WDR86: variants seen among roughly 807,000 people sequenced by gnomAD.
WDR86 encodes WD repeat domain 86.
WDR86 carries 30 observed loss-of-function variants against 36.5 expected under a neutral mutation model. The ratio of observed to expected loss-of-function variants is 0.82; its 90% CI spans 0.61 to 1.11. WDR86 has a LOEUF of 1.11. WDR86 is among the 50% of genes most tolerant of loss of function. The probability of loss-of-function intolerance (pLI) is 0.00; values close to 1 mark genes in which losing one functional copy is unlikely to be tolerated. For missense variants in WDR86, 545 were observed against 561.2 expected, an observed-to-expected ratio of 0.97 and a Z score of 0.29; for synonymous variants, 255 against 252.9, an observed-to-expected ratio of 1.01 and a Z score of -0.08.
intron 1 of WDR86, among the ~76,000 whole-genome samples, chr7:151,408,222 A>G (rs977114945): frequency 2.2e-5 from 3 of 135,376 alleles, no homozygotes; most frequent in Non-Finnish European, 1.5e-5. Context: ...TTTTAGACAG[A>G]GTCTGGCTCT....
In WDR86 at chr7:151,381,978, AACACTGCGGAC is replaced by A; in HGVS notation, c.863-8_865del. The A allele has an allele frequency of 6.2e-7, 1 of 1,600,744 alleles. No homozygotes were observed. Among genetic ancestry groups the A allele is most frequent in the Non-Finnish European group, 8.5e-7 (1 of 1,174,674 alleles). ...GGCGCAAGCGTCCCCGCTGCCCGTGAACACTGCGGACACACAGCGCGCGCTGGGCCTCCCTC... is the reference window on the plus strand; with the variant it reads ...GGCGCAAGCGTCCCCGCTGCCCGTGAACACAGCGCGCGCTGGGCCTCCCTC... On this transcript the variant is annotated splice_acceptor_variant and splice_polypyrimidine_tract_variant and coding_sequence_variant and intron_variant, in exon 5 of 6. Transcript: ENST00000334493. LOFTEE classifies it high-confidence loss of function. This position sits in a 1 kb window ranked among gnomAD's most constrained non-coding sequence, Gnocchi z 4.8.
At position 151,401,860 on chromosome 7, in the gene WDR86, T is replaced by C. The variant is rs1227516493; in HGVS notation, c.164-1619A>G. The stretch of plus-strand genomic sequence containing the variant: ...GTCAGGAGTTCAAGATCAGCCTGGC[T>C]AAGATGGTGAAACCCCGTCTCTACT... On this transcript the variant is annotated intron_variant, in intron 1 of 5. Transcript: ENST00000334493. This position sits in a 1 kb window ranked among gnomAD's most constrained non-coding sequence, Gnocchi z 4.3. 1.3e-5 allele frequency among the ~76,000 whole-genome samples: 2 copies of C among 150,798 alleles called. No homozygotes were observed. The highest frequency in any genetic ancestry group is 3.0e-5 in the Non-Finnish European group (2 of 67,746).
rs1051119337 is a variant in WDR86 at position 151,390,793 on chromosome 7, A to T, written c.726+4983T>A. Reference sequence around the variant, plus strand: ...TGCTCATGAAATAAGCCAGACAGGAAAGGACAGATCCTGCACGACTCCACT... The same window carrying T: ...TGCTCATGAAATAAGCCAGACAGGATAGGACAGATCCTGCACGACTCCACT... On this transcript the variant is annotated intron_variant, in intron 3 of 5. Coordinates refer to ENST00000334493, the MANE Select transcript of WDR86 (RefSeq NM_198285.3). The surrounding 1 kb of genome is among the most constrained non-coding windows in gnomAD (Gnocchi z 4.5). 6.6e-6 allele frequency among the ~76,000 whole-genome samples: 1 copy of T among 152,252 alleles called. No individual in the cohort carries two copies. The highest frequency in any genetic ancestry group is 1.5e-5 in the Non-Finnish European group (1 of 68,046).
At chr7:151,399,235 C>G (rs12703133) in intron 2 of WDR86, among the ~76,000 whole-genome samples, 103,942 of 152,130 alleles carry the variant, frequency 0.68, 35,725 homozygotes, top group East Asian at 0.8. Flanking sequence ...CAGCCACCTG[C>G]GACTCCAGCG....
intron 2 of WDR86, among the ~76,000 whole-genome samples, chr7:151,399,894 C>T (rs1800155930): frequency 6.6e-6 from 1 of 152,254 alleles, no homozygotes; most frequent in South Asian, 2.1e-4. Context: ...TGCCTCCCTG[C>T]CCCACATGCA....
At chr7:151,379,223 G>A (rs1251621935), downstream of WDR86, among the ~76,000 whole-genome samples, 2 of 152,120 alleles carry the variant, frequency 1.3e-5, no homozygotes, top group South Asian at 4.1e-4. Context: ...GAATGGGGGC[G>A]GATGGTATGA....
Position 151,394,598 on chromosome 7 carries a change from C to T in WDR86, c.726+1178G>A, listed in dbSNP as rs185421933. ...CCCCAGCATGGGGGATCACACCCAA[C>T]AGGTCCTCCGGCCAGGCACACCGTT... On this transcript the variant is annotated intron_variant, in intron 3 of 5. Transcript: ENST00000334493. Among the ~76,000 whole-genome samples the T allele has an allele frequency of 1.9e-4, 29 of 152,380 alleles. No individual in the cohort carries two copies. In the East Asian group the frequency reaches 5.4e-3, roughly 28 times the overall value.
At chr7:151,375,875 T>A (rs779938743), downstream of WDR86, 24 of 1,612,726 alleles carry the variant, frequency 1.5e-5, no homozygotes, top group Middle Eastern at 3.3e-4. Flanking sequence ...TCAGATGTGG[T>A]GGTTAAATGA....
Position 151,393,176 on chromosome 7 carries a change from G to A in WDR86, c.726+2600C>T, listed in dbSNP as rs915278888. On this transcript the variant is annotated intron_variant, in intron 3 of 5. Transcript: ENST00000334493. ...GGTATGTTTGTGGGCATGCATGTAC[G>A]TGCGTGGCTTGTCTGTGTTCACACG... 2.6e-5 allele frequency among the ~76,000 whole-genome samples: 4 copies of A among 152,204 alleles called. No individual in the cohort carries two copies. The East Asian group carries it at 5.8e-4, about 22-fold the overall frequency.
rs1801057209 is a variant in WDR86 at position 151,409,692 on chromosome 7, C to A, written c.-103G>T. On this transcript the variant is annotated 5_prime_UTR_variant, in exon 1 of 6. Coordinates refer to ENST00000334493, the MANE Select transcript of WDR86 (RefSeq NM_198285.3). The surrounding 1 kb of genome is among the most constrained non-coding windows in gnomAD (Gnocchi z 5.2). ...GTACGACTGCGGCCCGCGGCCATCG[C>A]GGGGAACGGGGAGCCCGACTCCTGC... 3.1e-6 allele frequency: 4 copies of A among 1,291,456 alleles called. No homozygotes were observed. The highest frequency in any genetic ancestry group is 3.9e-6 in the Non-Finnish European group (4 of 1,022,918). 80.0% of individuals were successfully genotyped at this position (1,291,456 alleles called of 1,614,324 possible).
At position 151,406,127 on chromosome 7, in the gene WDR86, C is replaced by T. The variant is rs748056315; in HGVS notation, c.163+3300G>A. On this transcript the variant is annotated intron_variant, in intron 1 of 5. Transcript: ENST00000334493. The surrounding 1 kb of genome is among the most constrained non-coding windows in gnomAD (Gnocchi z 4.4). ...CCTTTTTCACTGTGAGCTCACCAAC[C>T]GCATTTGAAAGGCAATTCCGTGTAT... is the stretch of plus-strand genomic sequence containing the variant. Among the ~76,000 whole-genome samples the T allele has an allele frequency of 5.9e-5, 9 of 152,174 alleles. No homozygotes were observed. The highest frequency in any genetic ancestry group is 1.2e-4 in the African/African-American group (5 of 41,426).
At chr7:151,399,213 T>C (rs1800107216) in intron 2 of WDR86, among the ~76,000 whole-genome samples, 1 of 152,218 alleles carries the variant, frequency 6.6e-6, no homozygotes, top group African/African-American at 2.4e-5. Context: ...TATCGATTAT[T>C]ATTCCTGGCT....
chr7:151,375,902 G>T, downstream of WDR86: 1 of 1,613,292 alleles, frequency 6.2e-7, no homozygotes, highest in South Asian at 1.1e-5. Context: ...TCCTGAAACC[G>T]ACAACCGTCA....
intron 3 of WDR86, among the ~76,000 whole-genome samples, chr7:151,385,582 G>A (rs1198889454): frequency 6.6e-6 from 1 of 152,220 alleles, no homozygotes; most frequent in Non-Finnish European, 1.5e-5. Flanking sequence ...CGCTCCTGCT[G>A]GCTGAGGAGA....
chr7:151,375,752 C>T (rs531714783), downstream of WDR86: 94 of 796,694 alleles, frequency 1.2e-4, 1 homozygote, highest in African/African-American at 9.3e-4. Flanking sequence ...CAGCAGAGGA[C>T]GGCGGGGTCT....
downstream of WDR86, chr7:151,374,728 ACTT>A (rs1798127845): frequency 5.7e-6 from 1 of 174,082 alleles, no homozygotes; most frequent in Non-Finnish European, 1.2e-5. Flanking sequence ...GACAGCAGTG[ACTT>A]TACCTGGGCC....
the WDR86 span, among the ~76,000 whole-genome samples, chr7:151,370,336 G>A: frequency 6.2e-4 from 95 of 152,050 alleles, no homozygotes; most frequent in African/African-American, 1.4e-3. Flanking sequence ...TGATCCTCCC[G>A]CCTTGGCCTC....
At chr7:151,398,272 G>T (rs1377022913) in intron 2 of WDR86, among the ~76,000 whole-genome samples, 2 of 151,936 alleles carry the variant, frequency 1.3e-5, no homozygotes, top group African/African-American at 4.8e-5. Flanking sequence ...TGTGTAAGTT[G>T]TGTGTATGGG....
chr7:151,398,091 T>G (rs1799999736), intron 2 of WDR86, among the ~76,000 whole-genome samples: 1 of 152,196 alleles, frequency 6.6e-6, no homozygotes, highest in Non-Finnish European at 1.5e-5. Context: ...GTGTGTGTGT[T>G]TGTATATGTT....
Sources: allele counts gnomAD v4.1 joint callset (sites outside exome capture counted in the v4.1 genomes callset), GRCh38; gene constraint gnomAD v4.1.1; non-coding constraint Gnocchi (gnomAD v3.1); transcripts MANE v1.5; gene names NCBI Gene and HGNC (gene_info 2026-07-23, HGNC 2026-07-21).